Variants in CAMKMT observed in about 807,000 individuals in gnomAD.
CAMKMT encodes the protein CaM KMT.
Under a neutral mutation model 48.0 loss-of-function variants are expected in CAMKMT, and 53 were observed. The ratio of observed to expected loss-of-function variants is 1.10; its 90% CI spans 0.89 to 1.39. CAMKMT has a LOEUF of 1.39. Among genes scored for constraint, CAMKMT ranks in the 40% most tolerant of loss-of-function variants. The pLI is 0.00. For missense variants in CAMKMT, 428 were observed against 402.7 expected (o/e 1.06, Z -0.54); for synonymous variants, 165 against 152.3 (o/e 1.08, Z -0.61).
chr2:44,490,671 T>G (rs182515446), intron 3 of CAMKMT, among the ~76,000 whole-genome samples: 55 of 152,278 alleles, frequency 3.6e-4, no homozygotes, highest in African/African-American at 1.2e-3. Flanking sequence ...TTATATGTAT[T>G]ATAACTTATG....
At chr2:44,363,244 G>T (rs1208748862) in intron 1 of CAMKMT, among the ~76,000 whole-genome samples, 1 of 152,116 alleles carries the variant, frequency 6.6e-6, no homozygotes, top group Non-Finnish European at 1.5e-5. Context: ...GGTATTACAG[G>T]ATAAGAAAAT....
At chr2:44,728,416 G>A (rs1163086031) in intron 7 of CAMKMT, among the ~76,000 whole-genome samples, 1 of 152,188 alleles carries the variant, frequency 6.6e-6, no homozygotes, top group Non-Finnish European at 1.5e-5. Context: ...ATTGGTATCA[G>A]GCTGATGCTG....
intron 3 of CAMKMT, among the ~76,000 whole-genome samples, chr2:44,509,062 C>G (rs1424388089): frequency 1.3e-5 from 2 of 149,784 alleles, no homozygotes. Flanking sequence ...TGCCACTACA[C>G]TCCAGGCTGG....
At chr2:44,624,451 A>G (rs111409191) in intron 3 of CAMKMT, among the ~76,000 whole-genome samples, 6,163 of 152,138 alleles carry the variant, frequency 0.041, 348 homozygotes, top group African/African-American at 0.13. Flanking sequence ...AGCATTAGGT[A>G]TATCTCCTAA....
intron 3 of CAMKMT, among the ~76,000 whole-genome samples, chr2:44,673,029 G>A (rs1017012024): frequency 1.3e-5 from 2 of 152,084 alleles, no homozygotes; most frequent in African/African-American, 4.8e-5. Flanking sequence ...TCTTAATTGT[G>A]TATTTCTTGG....
chr2:44,679,632 C>T (rs527766882), intron 3 of CAMKMT, among the ~76,000 whole-genome samples: 2 of 152,344 alleles, frequency 1.3e-5, no homozygotes, highest in Admixed American at 6.5e-5. Context: ...TTAACGTTAA[C>T]AATGAGTTGA....
chr2:44,489,213 G>A (rs915440358), intron 3 of CAMKMT, among the ~76,000 whole-genome samples: 2 of 147,466 alleles, frequency 1.4e-5, no homozygotes, highest in Non-Finnish European at 3.0e-5. Context: ...TAGTCTAATG[G>A]TTTTCATATT....
intron 7 of CAMKMT, among the ~76,000 whole-genome samples, chr2:44,740,360 G>T (rs1218899165): frequency 2.0e-5 from 3 of 151,918 alleles, no homozygotes; most frequent in Non-Finnish European, 4.4e-5. Context: ...GAGCTCCTAG[G>T]CTTAAGCAAT....
At chr2:44,666,908 A>T (rs143988656) in intron 3 of CAMKMT, among the ~76,000 whole-genome samples, 6 of 152,150 alleles carry the variant, frequency 3.9e-5, no homozygotes, top group Non-Finnish European at 8.8e-5. Flanking sequence ...ACGCCCAGCT[A>T]TGTTCTTAAT....
chr2:44,513,997 G>A (rs143766641), intron 3 of CAMKMT, among the ~76,000 whole-genome samples: 345 of 151,928 alleles, frequency 2.3e-3, no homozygotes, highest in Non-Finnish European at 3.4e-3. Context: ...AGCTATTTGG[G>A]AGTCTGAGGT....
At chr2:44,374,173 T>C (rs1679456300) in intron 2 of CAMKMT, among the ~76,000 whole-genome samples, 1 of 134,756 alleles carries the variant, frequency 7.4e-6, no homozygotes, top group Non-Finnish European at 1.6e-5. Context: ...AAATAAAATA[T>C]ATAAACTTAC....
chr2:44,640,497 C>T (rs1300074583), intron 3 of CAMKMT, among the ~76,000 whole-genome samples: 2 of 152,192 alleles, frequency 1.3e-5, no homozygotes, highest in African/African-American at 4.8e-5. Flanking sequence ...GGCTTTGCCA[C>T]TCTCTGGCTG....
At chr2:44,591,676 C>G (rs372559605) in intron 3 of CAMKMT, among the ~76,000 whole-genome samples, 1 of 151,552 alleles carries the variant, frequency 6.6e-6, no homozygotes, top group Admixed American at 6.6e-5. Context: ...GGATCTAGAA[C>G]TAGAAATACC....
intron 3 of CAMKMT, among the ~76,000 whole-genome samples, chr2:44,691,965 C>A (rs540042578): frequency 1.3e-4 from 20 of 152,254 alleles, no homozygotes; most frequent in African/African-American, 4.3e-4. Flanking sequence ...GGGAGGCCTG[C>A]ACTTAATCAT....
chr2:44,627,329 G>A (rs1299762700), intron 3 of CAMKMT, among the ~76,000 whole-genome samples: 1 of 152,088 alleles, frequency 6.6e-6, no homozygotes, highest in African/African-American at 2.4e-5. Flanking sequence ...ACTAGTTACA[G>A]TCTTTTTAAA....
intron 8 of CAMKMT, among the ~76,000 whole-genome samples, chr2:44,743,976 G>A (rs564159815): frequency 2.6e-5 from 4 of 152,276 alleles, no homozygotes; most frequent in Admixed American, 6.5e-5. Flanking sequence ...GTAAATGGAC[G>A]ACTTAGGCAA....
At chr2:44,735,897 C>G (rs1377986206) in intron 7 of CAMKMT, among the ~76,000 whole-genome samples, 1 of 149,700 alleles carries the variant, frequency 6.7e-6, no homozygotes, top group Non-Finnish European at 1.5e-5. Flanking sequence ...TGCTCTGTCT[C>G]AAACAAAACA....
At chr2:44,596,937 G>A (rs1042611546) in intron 3 of CAMKMT, among the ~76,000 whole-genome samples, 1 of 152,092 alleles carries the variant, frequency 6.6e-6, no homozygotes, top group African/African-American at 2.4e-5. Context: ...AGAGAAAAAC[G>A]ATCTTTTTAT....
chr2:44,384,754 T>C (rs976890874), intron 2 of CAMKMT, among the ~76,000 whole-genome samples: 1 of 152,028 alleles, frequency 6.6e-6, no homozygotes, highest in Non-Finnish European at 1.5e-5. Context: ...TCCCCCACTT[T>C]TTGTTTTGTT....
Sources: gnomAD v4.1 joint callset for allele counts (sites outside exome capture counted in the v4.1 genomes callset) on GRCh38, gnomAD v4.1.1 for gene constraint, MANE v1.5 for transcripts, NCBI Gene and HGNC (gene_info 2026-07-23, HGNC 2026-07-21) for gene names.